The following ITIH3 variants were observed in gnomAD, a reference collection of about 807,000 sequenced individuals.
ITIH3 encodes inter-alpha-trypsin inhibitor heavy chain H3.
A neutral mutation model predicts 96.5 loss-of-function variants in ITIH3; 81 were observed. The observed-to-expected ratio is 0.84, with a 90% confidence interval of 0.70 to 1.01. The LOEUF is 1.01. ITIH3 is among the 50% of genes least tolerant of loss of function. The pLI is 0.00. For synonymous variants in ITIH3, 422 were observed against 445.2 expected, an observed-to-expected ratio of 0.95 and a Z score of 0.66; for missense variants, 1,057 against 1,139.3, an observed-to-expected ratio of 0.93 and a Z score of 1.04.
At position 52,808,562 on chromosome 3, in the gene ITIH3, A is replaced by G. The variant is rs778914444; in HGVS notation, c.2554A>G (p.Lys852Glu). 6.2e-7 allele frequency: 1 copy of G among 1,613,780 alleles called. No individual in the cohort carries two copies. Among genetic ancestry groups the G allele is most frequent in the Non-Finnish European group, 8.5e-7 (1 of 1,179,728 alleles). ...CTCTTCTTTCCCCAGGGGCTCCCAGAAAGACTACAGAAAGGATGCCAGCAT... is the reference window on the plus strand; with the variant it reads ...CTCTTCTTTCCCCAGGGGCTCCCAGGAAGACTACAGAAAGGATGCCAGCAT... ...HQLIVTRGSQ[K>E]DYRKDASIGT... is the part of the protein sequence containing the mutation. The change falls in exon 22 of 22, where the codon AAA becomes GAA. Residue 852 changes from lysine to glutamate, a missense_variant. Lys to Glu is a moderately conservative substitution (Grantham distance 56). Coordinates refer to ENST00000449956, the MANE Select transcript of ITIH3 (RefSeq NM_002217.4).
chr3:52,801,598 C>G (rs1250055352), intron 11 of ITIH3, among the ~76,000 whole-genome samples: 2 of 152,128 alleles, frequency 1.3e-5, no homozygotes, highest in Non-Finnish European at 2.9e-5. Context: ...AGGCCTCTTT[C>G]CTTTTCTCCA....
chr3:52,796,352 T>A (rs1578750956), intron 2 of ITIH3, 129 bp from the exon 3 acceptor site: 1 of 736,908 alleles, frequency 1.4e-6, no homozygotes, highest in East Asian at 2.7e-5. Context: ...GTAGAAGACC[T>A]GGAGGATGAG....
At chr3:52,806,547 G>A in intron 18 of ITIH3, 141 bp downstream of exon 18, 1 of 673,562 alleles carries the variant, frequency 1.5e-6, no homozygotes, top group East Asian at 2.8e-5. Flanking sequence ...TGGGGGTGGG[G>A]AGTGCCCAGG....
At chr3:52,796,399 G>T (rs971913071) in intron 2 of ITIH3, 82 bp from the exon 3 acceptor site, 6 of 1,292,436 alleles carry the variant, frequency 4.6e-6, no homozygotes, top group African/African-American at 1.5e-5. Context: ...AGCCTCCAAG[G>T]GTTTGCAAGG....
At chr3:52,796,681 G>T (rs540985064) in intron 3 of ITIH3, 34 bp downstream of exon 3, 11 of 1,606,006 alleles carry the variant, frequency 6.8e-6, no homozygotes, top group Non-Finnish European at 9.4e-6. Flanking sequence ...CTCTGGGCTC[G>T]GGAACAGGGG....
chr3:52,807,810 G>C lies in ITIH3; in HGVS notation c.2325G>C (p.Val775=). The part of the protein sequence containing the change: ...VVSFGDGVTF[V]VVLHQVWKKH... Reference sequence around the variant, plus strand: ...CCTTTGGAGATGGGGTTACCTTCGTGGTCGTCCTACACCAGGTGTGGAAGA... The same window carrying C: ...CCTTTGGAGATGGGGTTACCTTCGTCGTCGTCCTACACCAGGTGTGGAAGA... Residue 775 remains valine (V), a synonymous_variant, in exon 20 of 22, where the codon GTG becomes GTC. Coordinates refer to ENST00000449956, the MANE Select transcript of ITIH3 (RefSeq NM_002217.4). The C allele has an allele frequency of 6.2e-7, 1 of 1,612,282 alleles. No homozygotes were observed. Among genetic ancestry groups the C allele is most frequent in the Non-Finnish European group, 8.5e-7 (1 of 1,179,228 alleles).
chr3:52,805,980 G>A (rs1700025722), intron 16 of ITIH3, 123 bp from the exon 17 acceptor site: 4 of 1,503,604 alleles, frequency 2.7e-6, no homozygotes, highest in Non-Finnish European at 3.6e-6. Flanking sequence ...CGGGGTGGGA[G>A]GGCAATGGCA....
rs765118756 is a variant in ITIH3 at position 52,802,366 on chromosome 3, G to A, written c.1416G>A (p.Leu472=). The A allele has an allele frequency of 6.2e-6, 10 of 1,613,990 alleles. No homozygotes were observed. In the Admixed American group the frequency reaches 1.3e-4, roughly 22 times the overall value. ...ATGAGGAGGTGGCCAACCCACTGCTGACGGGTGTGGAGATGGAGTACCCCG... is the reference window on the plus strand; with the variant it reads ...ATGAGGAGGTGGCCAACCCACTGCTAACGGGTGTGGAGATGGAGTACCCCG... ...GFYEEVANPL[L]TGVEMEYPEN... The change falls in exon 12 of 22, where the codon CTG becomes CTA. Residue 472 remains leucine (L), a synonymous_variant. Coordinates refer to ENST00000449956, the MANE Select transcript of ITIH3 (RefSeq NM_002217.4).
In ITIH3 at chr3:52,808,570, CA is replaced by C; in HGVS notation, c.2563del (p.Arg855GlufsTer22). On this transcript the variant is annotated frameshift_variant, in exon 22 of 22. Transcript: ENST00000449956. LOFTEE classifies it low-confidence loss of function (END_TRUNC). ...TCCCCAGGGGCTCCCAGAAAGACTACAGAAAGGATGCCAGCATCGGCACGAA... is the reference window on the plus strand; with the variant it reads ...TCCCCAGGGGCTCCCAGAAAGACTACGAAAGGATGCCAGCATCGGCACGAA... The part of the protein sequence containing the change: ...IVTRGSQKDY[R>X]KDASIGTKVV... 1 of 1,613,964 alleles carries C rather than the reference CA, an allele frequency of 6.2e-7. No homozygotes were observed. Among genetic ancestry groups the C allele is most frequent in the Non-Finnish European group, 8.5e-7 (1 of 1,179,864 alleles).
rs932382293 is a variant in ITIH3, at chr3:52,808,456, A to G, written c.2544-96A>G. The G allele has an allele frequency of 2.6e-6, 4 of 1,517,764 alleles. No individual in the cohort carries two copies. The South Asian group carries it at 4.6e-5, about 17-fold the overall frequency. 94.0% of individuals were successfully genotyped at this position (1,517,764 alleles called of 1,614,324 possible). On this transcript the variant is annotated intron_variant, in intron 21 of 21. Transcript: ENST00000449956. ...GACCAAAGAATTCTGGGCTGTTAGA[A>G]TTGCCAACTTCCCACCCTTTTTCAA... is the stretch of plus-strand genomic sequence containing the variant.
intron 5 of ITIH3, 22 bp downstream of exon 5, chr3:52,797,289 C>T: frequency 2.5e-6 from 4 of 1,585,026 alleles, no homozygotes; most frequent in Non-Finnish European, 3.4e-6. Flanking sequence ...CCCCTGCAGA[C>T]CTGGGGGGAC....
intron 11 of ITIH3, among the ~76,000 whole-genome samples, chr3:52,801,554 G>T (rs1455461754): frequency 2.6e-5 from 4 of 152,106 alleles, no homozygotes. Flanking sequence ...CGGTGGGTTG[G>T]TTCCTTCTGA....
intron 10 of ITIH3, 100 bp downstream of exon 10, chr3:52,800,763 C>A: frequency 6.6e-7 from 1 of 1,516,538 alleles, no homozygotes; most frequent in Non-Finnish European, 8.9e-7. Flanking sequence ...CAGCTCTTCC[C>A]TGGGTTCCCT....
At chr3:52,804,346 G>C (rs1027897748) in intron 14 of ITIH3, 1 of 441,292 alleles carries the variant, frequency 2.3e-6, no homozygotes, top group African/African-American at 2.0e-5. Flanking sequence ...GAAAGGCCTG[G>C]AGCAGGCTAT....
At position 52,807,021 on chromosome 3, in the gene ITIH3, T is replaced by A; in HGVS notation, c.2177T>A (p.Val726Glu). ...GCTCAGATGGACTTCCAGGTGGAGG[T>A]GACAACGGAGAAGATCACCCTGTGG... The part of the protein sequence containing the change: ...ANAQMDFQVE[V>E]TTEKITLWNR... Residue 726 changes from valine (V) to glutamate (E), a missense_variant, in exon 19 of 22, where the codon GTG becomes GAG. Physicochemically the swap from Val to Glu is moderately radical, Grantham distance 121. Transcript: ENST00000449956. The A allele has an allele frequency of 1.2e-6, 2 of 1,601,102 alleles. No homozygotes were observed. Among genetic ancestry groups the A allele is most frequent in the Non-Finnish European group, 8.5e-7 (1 of 1,174,058 alleles).
At chr3:52,807,715 C>T (rs1700106239) in intron 19 of ITIH3, 32 bp from the exon 20 acceptor site, 1 of 1,588,356 alleles carries the variant, frequency 6.3e-7, no homozygotes. Flanking sequence ...GGCCACTGGG[C>T]CCCACAGCCA....
chr3:52,805,259 T>TA, intron 15 of ITIH3: 5 of 994,674 alleles, frequency 5.0e-6, no homozygotes, highest in Non-Finnish European at 6.0e-6. Context: ...TCCCTGCCAC[T>TA]AGGCAGGGCC....
At chr3:52,805,971 G>A (rs776516492) in intron 16 of ITIH3, 131 bp downstream of exon 16, 11 of 1,498,668 alleles carry the variant, frequency 7.3e-6, no homozygotes, top group South Asian at 2.4e-5. Flanking sequence ...AGGAGATTGC[G>A]GGGTGGGAGG....
Position 52,801,242 on chromosome 3 carries a change from T to G in ITIH3, c.1383+96T>G, listed in dbSNP as rs1699821233. 3.4e-6 allele frequency: 4 copies of G among 1,164,966 alleles called. No homozygotes were observed. In the Admixed American group the frequency reaches 1.3e-4, roughly 38 times the overall value. 72.2% of individuals were successfully genotyped at this position (1,164,966 alleles called of 1,614,324 possible). ...GACAGTTCTAGTTATTAGGAAGAGCTTCGTCTTGGGTCAAAATCCACCTCT... is the reference window on the plus strand; with the variant it reads ...GACAGTTCTAGTTATTAGGAAGAGCGTCGTCTTGGGTCAAAATCCACCTCT... On this transcript the variant is annotated intron_variant, in intron 11 of 21. Coordinates refer to ENST00000449956, the MANE Select transcript of ITIH3 (RefSeq NM_002217.4).
Sources: gnomAD v4.1 joint callset for allele counts (sites outside exome capture counted in the v4.1 genomes callset) on GRCh38, gnomAD v4.1.1 for gene constraint, MANE v1.5 for transcripts, NCBI Gene and HGNC (gene_info 2026-07-23, HGNC 2026-07-21) for gene names.